The following NSD3 variants were observed in gnomAD, a reference collection of about 807,000 sequenced individuals.
NSD3 encodes nuclear receptor binding SET domain protein 3.
A neutral mutation model predicts 160.8 loss-of-function variants in NSD3; 24 were observed. That is an observed-to-expected ratio of 0.15 (90% CI 0.11 to 0.21). NSD3 has a LOEUF of 0.21. NSD3 is among the 10% of genes least tolerant of loss of function. The probability of loss-of-function intolerance (pLI) is 1.00; values close to 1 mark genes in which losing one functional copy is unlikely to be tolerated. For missense variants in NSD3, 1,157 were observed against 1,735.9 expected (o/e 0.67, Z 5.93); for synonymous variants, 520 against 600.0 (o/e 0.87, Z 1.95).
intron 10 of NSD3, 56 bp from the exon 11 acceptor site, chr8:38,315,600 T>C (rs1809641120): frequency 1.9e-6 from 3 of 1,596,542 alleles, no homozygotes; most frequent in Admixed American, 1.7e-5. Flanking sequence ...CCCTCCAAGA[T>C]AAGATGCTAT....
chr8:38,312,486 T>C (rs1364881800), intron 12 of NSD3, among the ~76,000 whole-genome samples: 1 of 152,174 alleles, frequency 6.6e-6, no homozygotes, highest in Non-Finnish European at 1.5e-5. Flanking sequence ...ATACTTGATA[T>C]ACTTTGGATA....
At chr8:38,282,884 T>C (rs946511580) in intron 19 of NSD3, among the ~76,000 whole-genome samples, 5 of 152,208 alleles carry the variant, frequency 3.3e-5, no homozygotes, top group African/African-American at 9.7e-5. Flanking sequence ...AACATTTGGA[T>C]TGTTTCCAGA....
intron 1 of NSD3, among the ~76,000 whole-genome samples, chr8:38,357,338 A>C (rs181442835): frequency 3.7e-4 from 57 of 152,168 alleles, no homozygotes; most frequent in Non-Finnish European, 4.9e-4. Flanking sequence ...AAAAAGGCCA[A>C]GCACTTAGAC....
At chr8:38,366,436 A>G (rs1412390584) in intron 1 of NSD3, among the ~76,000 whole-genome samples, 3 of 86,740 alleles carry the variant, frequency 3.5e-5, no homozygotes, top group South Asian at 2.8e-4. Flanking sequence ...TTTTTTTTTG[A>G]GATAGAGTCT....
rs1808557515 is a variant in NSD3 at position 38,274,700 on chromosome 8, C to CCAGG, written c.*937_*940dup. On this transcript the variant is annotated 3_prime_UTR_variant, in exon 24 of 24. Transcript: ENST00000317025. ...TGCCTGTAATTCTCTCCAATTAAGACCAGGGTCTACAATAAAATTGGACAG... is the reference window on the plus strand; with the variant it reads ...TGCCTGTAATTCTCTCCAATTAAGACCAGGCAGGGTCTACAATAAAATTGGACAG... 1 of 153,262 alleles carries CCAGG rather than the reference C, an allele frequency of 6.5e-6. No individual in the cohort carries two copies. The highest frequency in any genetic ancestry group is 2.1e-4 in the South Asian group (1 of 4,838). The allele number at this position is 153,262 out of a possible 1,614,324, so 9.5% of individuals were successfully genotyped here.
chr8:38,295,457 G>T (rs570800554), intron 16 of NSD3, among the ~76,000 whole-genome samples: 11 of 152,182 alleles, frequency 7.2e-5, no homozygotes, highest in African/African-American at 2.7e-4. Flanking sequence ...AGCTACTTTG[G>T]GGGCTGAGGT....
intron 22 of NSD3, among the ~76,000 whole-genome samples, chr8:38,277,069 G>A (rs1367795569): frequency 5.3e-5 from 8 of 152,080 alleles, no homozygotes; most frequent in Admixed American, 6.5e-5. Context: ...AGCCTCCCGA[G>A]TAGCTGGGAC....
At chr8:38,330,414 C>T (rs1810029321) in intron 5 of NSD3, among the ~76,000 whole-genome samples, 1 of 152,046 alleles carries the variant, frequency 6.6e-6, no homozygotes. Flanking sequence ...TGAAAATTAA[C>T]AAGACAAAGG....
intron 2 of NSD3, among the ~76,000 whole-genome samples, chr8:38,345,413 C>T (rs1355060353): frequency 3.3e-5 from 5 of 151,736 alleles, no homozygotes; most frequent in African/African-American, 1.2e-4. Context: ...AGAAAAAAAC[C>T]TGGATTTCCC....
At position 38,270,028 on chromosome 8, in the gene NSD3, TCAA is replaced by T. The variant is rs1440307597; in HGVS notation, c.*5610_*5612del. 6.6e-6 allele frequency: 1 copy of T among 152,196 alleles called. No homozygotes were observed. 9.4% of individuals were successfully genotyped at this position (152,196 alleles called of 1,614,324 possible). A position where few individuals can be genotyped will look rare whatever the true frequency, so the allele number is the denominator to read the frequency against. ...CACTATGCAATAAAACATAGGCCAA[TCAA>T]CAAAATCCTCAAAATATTATATATC... On this transcript the variant is annotated 3_prime_UTR_variant, in exon 24 of 24. Transcript: ENST00000317025.
intron 2 of NSD3, among the ~76,000 whole-genome samples, chr8:38,341,875 G>A (rs1810528814): frequency 6.6e-6 from 1 of 151,856 alleles, no homozygotes; most frequent in African/African-American, 2.4e-5. Context: ...GAGCCCAGGA[G>A]TTTGAGGCTG....
chr8:38,361,372 C>T (rs991656274), intron 1 of NSD3, among the ~76,000 whole-genome samples: 7 of 152,232 alleles, frequency 4.6e-5, no homozygotes, highest in Middle Eastern at 3.4e-3. Context: ...TCAAGCAAGC[C>T]GCCTGCCTTG....
rs1257981802 is a variant in NSD3 at position 38,329,358 on chromosome 8, T to G, written c.1581+20A>C. The G allele has an allele frequency of 1.3e-6, 2 of 1,595,696 alleles. No individual in the cohort carries two copies. The highest frequency in any genetic ancestry group is 1.7e-6 in the Non-Finnish European group (2 of 1,168,934). ...TTTAAAATACCATCCCCCAAAAAACTCCACGAAAAAAGGAGGTACCTTTGT... is the reference window on the plus strand; with the variant it reads ...TTTAAAATACCATCCCCCAAAAAACGCCACGAAAAAAGGAGGTACCTTTGT... On this transcript the variant is annotated intron_variant, in intron 6 of 23. Coordinates refer to ENST00000317025, the MANE Select transcript of NSD3 (RefSeq NM_023034.2). This position sits in a 1 kb window ranked among gnomAD's most constrained non-coding sequence, Gnocchi z 4.8.
chr8:38,290,399 T>C, intron 17 of NSD3, 76 bp downstream of exon 17: 34 of 1,447,632 alleles, frequency 2.3e-5, no homozygotes, highest in Non-Finnish European at 3.0e-5. Flanking sequence ...CCAGAAATAT[T>C]AGGGAGGTGA....
intron 16 of NSD3, 102 bp downstream of exon 16, chr8:38,295,694 C>CA: frequency 9.2e-7 from 1 of 1,083,100 alleles, no homozygotes; most frequent in Non-Finnish European, 1.3e-6. Context: ...GAAGTAGGTC[C>CA]ATGCTGTCTA....
At chr8:38,327,918 T>C (rs913986123) in intron 6 of NSD3, among the ~76,000 whole-genome samples, 1 of 152,206 alleles carries the variant, frequency 6.6e-6, no homozygotes, top group Non-Finnish European at 1.5e-5. Flanking sequence ...ATGTATTTTT[T>C]TGGCCAGGCA....
rs371214867 is a variant in NSD3 at position 38,326,011 on chromosome 8, G to GT, written c.1708+718dup. On this transcript the variant is annotated intron_variant, in intron 7 of 23. Transcript: ENST00000317025. ...AAAAATACAAAAAGTAGCTGGGTGTGTTGGCATGCCCCTGTAATCCCAGCT... is the reference window on the plus strand; with the variant it reads ...AAAAATACAAAAAGTAGCTGGGTGTGTTTGGCATGCCCCTGTAATCCCAGCT... 5.2e-3 allele frequency among the ~76,000 whole-genome samples: 796 copies of GT among 152,072 alleles called. 3 individuals carry two copies. Among genetic ancestry groups the GT allele is most frequent in the African/African-American group, 0.018 (760 of 41,474 alleles).
In NSD3 at chr8:38,316,539, GTTGA is replaced by G; in HGVS notation, c.1856-501_1856-498del. 1 of 1,048,404 alleles carries G rather than the reference GTTGA, an allele frequency of 9.5e-7. No individual in the cohort carries two copies. Among genetic ancestry groups the G allele is most frequent in the African/African-American group, 1.7e-5 (1 of 60,130 alleles). The allele number at this position is 1,048,404 out of a possible 1,614,324, so 64.9% of individuals were successfully genotyped here. On this transcript the variant is annotated intron_variant, in intron 9 of 23. Coordinates refer to ENST00000317025, the MANE Select transcript of NSD3 (RefSeq NM_023034.2). The surrounding 1 kb of genome is among the most constrained non-coding windows in gnomAD (Gnocchi z 4.5). Reference sequence around the variant, plus strand: ...ATTTTCCCCCAAATTTTGCAATTCAGTTGATTATTGCCCCCCAATAAAATTTGGA... The same window carrying G: ...ATTTTCCCCCAAATTTTGCAATTCAGTTATTGCCCCCCAATAAAATTTGGA...
intron 1 of NSD3, among the ~76,000 whole-genome samples, chr8:38,353,673 T>C (rs1444997096): frequency 1.3e-5 from 2 of 152,194 alleles, no homozygotes; most frequent in Non-Finnish European, 2.9e-5. Context: ...ATTACCTTCT[T>C]ATAATTACAC....
Sources: allele counts gnomAD v4.1 joint callset (sites outside exome capture counted in the v4.1 genomes callset), GRCh38; gene constraint gnomAD v4.1.1; non-coding constraint Gnocchi (gnomAD v3.1); transcripts MANE v1.5; gene names NCBI Gene and HGNC (gene_info 2026-07-23, HGNC 2026-07-21).